Variants in GPBP1 observed in about 807,000 individuals in gnomAD.
The protein encoded by GPBP1 is GC-rich promoter binding protein 1.
A neutral mutation model predicts 56.5 loss-of-function variants in GPBP1; 13 were observed. That is an observed-to-expected ratio of 0.23 (90% CI 0.15 to 0.37). The LOEUF is 0.37. Among genes scored for constraint, GPBP1 ranks in the 10% least tolerant of loss-of-function variants. The pLI, the probability that GPBP1 is intolerant of heterozygous loss-of-function variation, is 1.00. For missense variants in GPBP1, 477 were observed against 572.3 expected (o/e 0.83, Z 1.70); for synonymous variants, 204 against 188.9 (o/e 1.08, Z -0.66).
At chr5:57,213,984 TAGTAGTA>T in intron 2 of GPBP1, 83 bp from the exon 3 acceptor site, 1 of 619,730 alleles carries the variant, frequency 1.6e-6, no homozygotes, top group Non-Finnish European at 2.9e-6. Context: ...TAGAATCCTA[TAGTAGTA>T]AGTAGTAAGA....
intron 3 of GPBP1, among the ~76,000 whole-genome samples, chr5:57,216,647 C>T (rs1300616202): frequency 1.3e-5 from 2 of 152,158 alleles, no homozygotes; most frequent in Non-Finnish European, 2.9e-5. Context: ...GATCGTGCCA[C>T]TGCAGTCCAG....
At chr5:57,226,480 C>A (rs1756194069) in intron 3 of GPBP1, among the ~76,000 whole-genome samples, 1 of 151,096 alleles carries the variant, frequency 6.6e-6, no homozygotes, top group Admixed American at 6.6e-5. Context: ...AATTCAAATT[C>A]AGCCAAGAAT....
At chr5:57,238,736 A>G (rs911706198) in intron 6 of GPBP1, among the ~76,000 whole-genome samples, 5 of 152,160 alleles carry the variant, frequency 3.3e-5, no homozygotes, top group African/African-American at 1.2e-4. Context: ...TAGCTTAAGC[A>G]TGGTCTTCTT....
chr5:57,244,582 T>A (rs577595342), intron 6 of GPBP1, among the ~76,000 whole-genome samples: 2 of 152,226 alleles, frequency 1.3e-5, no homozygotes, highest in South Asian at 2.1e-4. Flanking sequence ...TTGAGTTACA[T>A]GCTAAGATTT....
In GPBP1 at chr5:57,189,678, A is replaced by T. The variant is rs185489091; in HGVS notation, c.-58+13278A>T. On this transcript the variant is annotated intron_variant, in intron 2 of 11. Coordinates refer to ENST00000506184, the MANE Select transcript of GPBP1 (RefSeq NM_022913.4). ...AAAAATGATATTCGATTGTGTCATT[A>T]TTGTGCTTAAAACCCTTTAATGTCT... 5.9e-5 allele frequency among the ~76,000 whole-genome samples: 9 copies of T among 152,332 alleles called. No individual in the cohort carries two copies. In the East Asian group the frequency reaches 1.5e-3, roughly 26 times the overall value.
Position 57,195,980 on chromosome 5 carries a change from CAA to C in GPBP1, c.-57-18069_-57-18068del, listed in dbSNP as rs1181097227. 2.9e-3 allele frequency among the ~76,000 whole-genome samples: 85 copies of C among 29,740 alleles called. No homozygotes were observed. The East Asian group carries it at 0.059, about 21-fold the overall frequency. The allele number at this position is 29,740 out of a possible 152,430, so 19.5% of individuals were successfully genotyped here. ...ATCGTGACAGAGTGAAACTCCATCT[CAA>C]AAAAAAAAAAAAAAAAAAAAAAAAT... On this transcript the variant is annotated intron_variant, in intron 2 of 11. Coordinates refer to ENST00000506184, the MANE Select transcript of GPBP1 (RefSeq NM_022913.4).
At chr5:57,217,172 C>T (rs1230288476) in intron 3 of GPBP1, among the ~76,000 whole-genome samples, 3 of 151,858 alleles carry the variant, frequency 2.0e-5, no homozygotes, top group East Asian at 1.9e-4. Flanking sequence ...TGGAAAATAG[C>T]GGCGTATTCT....
At chr5:57,226,553 CTTTTTTTTTTT>C (rs34180383) in intron 3 of GPBP1, among the ~76,000 whole-genome samples, 39 of 62,130 alleles carry the variant, frequency 6.3e-4, no homozygotes, top group African/African-American at 2.2e-3. Flanking sequence ...AGCATTTTTG[CTTTTTTTTTTT>C]TTTTTTTTTT....
At chr5:57,187,890 T>C (rs1051111130) in intron 2 of GPBP1, among the ~76,000 whole-genome samples, 2 of 151,132 alleles carry the variant, frequency 1.3e-5, no homozygotes, top group African/African-American at 4.9e-5. Context: ...AAACCAGATA[T>C]ATATATATAT....
chr5:57,175,264 G>A (rs1349658095), intron 1 of GPBP1, among the ~76,000 whole-genome samples, 184 bp from the exon 2 acceptor site: 1 of 152,014 alleles, frequency 6.6e-6, no homozygotes, highest in Non-Finnish European at 1.5e-5. Flanking sequence ...CCTCTACTCC[G>A]ATGTCTTGTT....
At chr5:57,207,052 C>T (rs1476224253) in intron 2 of GPBP1, among the ~76,000 whole-genome samples, 1 of 152,122 alleles carries the variant, frequency 6.6e-6, no homozygotes, top group Admixed American at 6.6e-5. Context: ...TGCATTGAGT[C>T]ATGGTAGTGC....
intron 2 of GPBP1, among the ~76,000 whole-genome samples, chr5:57,198,467 A>G (rs1173133471): frequency 1.3e-5 from 2 of 152,210 alleles, no homozygotes; most frequent in Admixed American, 6.5e-5. Context: ...AACCGAATAA[A>G]CAAGTTCAGT....
rs1287195592 is a variant in GPBP1 at position 57,251,136 on chromosome 5, A to G, written c.1155A>G (p.Glu385=). 1 of 1,600,306 alleles carries G rather than the reference A, an allele frequency of 6.2e-7. No individual in the cohort carries two copies. Among genetic ancestry groups the G allele is most frequent in the East Asian group, 2.2e-5 (1 of 44,586 alleles). The stretch of plus-strand genomic sequence containing the variant: ...TTCTTTCAAGTTCACTTGAGGCAGA[A>G]CACAGGCTAGTATTTGTTTGTACTT... The part of the protein sequence containing the change: ...TDVLSSSLEA[E]HRLLKEMGWQ... Residue 385 remains glutamate, a synonymous_variant, in exon 10 of 12, where the codon GAA becomes GAG. Coordinates refer to ENST00000506184, the MANE Select transcript of GPBP1 (RefSeq NM_022913.4).
intron 2 of GPBP1, among the ~76,000 whole-genome samples, chr5:57,180,115 A>G (rs1368068833): frequency 6.6e-6 from 1 of 152,050 alleles, no homozygotes; most frequent in Admixed American, 6.6e-5. Context: ...ACCAGGCCAG[A>G]TTATTTAACT....
chr5:57,205,356 A>G (rs1343573391), intron 2 of GPBP1, among the ~76,000 whole-genome samples: 1 of 152,132 alleles, frequency 6.6e-6, no homozygotes, highest in Non-Finnish European at 1.5e-5. Context: ...CCTTTTGGCT[A>G]CTGTGAATAG....
chr5:57,177,240 C>T (rs1561315553), intron 2 of GPBP1, among the ~76,000 whole-genome samples: 3 of 151,770 alleles, frequency 2.0e-5, no homozygotes, highest in African/African-American at 4.8e-5. Context: ...AGAGAGTTAT[C>T]GTTTAATGTT....
Position 57,185,509 on chromosome 5 carries a change from TC to T in GPBP1, c.-58+9111del, listed in dbSNP as rs531720625. Among the ~76,000 whole-genome samples the T allele has an allele frequency of 4.1e-3, 625 of 152,260 alleles. 3 individuals are homozygous for T. Among genetic ancestry groups the T allele is most frequent in the African/African-American group, 0.013 (548 of 41,556 alleles). On this transcript the variant is annotated intron_variant, in intron 2 of 11. Transcript: ENST00000506184. Reference sequence around the variant, plus strand: ...GTCTGGAACTCCTGACCTCAGATGATCCACCCCCTTCAGCCTCCTGCAGTGC... The same window carrying T: ...GTCTGGAACTCCTGACCTCAGATGATCACCCCCTTCAGCCTCCTGCAGTGC...
intron 2 of GPBP1, among the ~76,000 whole-genome samples, chr5:57,201,727 A>G (rs1236262078): frequency 6.6e-6 from 1 of 152,214 alleles, no homozygotes; most frequent in Non-Finnish European, 1.5e-5. Flanking sequence ...CAGAAATTTC[A>G]TTAACTTGTT....
At chr5:57,241,869 T>A (rs1265688032) in intron 6 of GPBP1, among the ~76,000 whole-genome samples, 1 of 152,242 alleles carries the variant, frequency 6.6e-6, no homozygotes, top group Non-Finnish European at 1.5e-5. Flanking sequence ...CATTGGATAA[T>A]GTTTGACTCT....
Sources: allele counts gnomAD v4.1 joint callset (sites outside exome capture counted in the v4.1 genomes callset), GRCh38; gene constraint gnomAD v4.1.1; transcripts MANE v1.5; gene names NCBI Gene and HGNC (gene_info 2026-07-23, HGNC 2026-07-21).